The following PRAMEF15 variants were observed in gnomAD, a reference collection of about 807,000 sequenced individuals.
PRAMEF15 encodes PRAME family member 15, also known as PRAME family member 9/15.
In PRAMEF15, 21 loss-of-function variants were observed where a neutral mutation model predicts 35.3. That is an observed-to-expected ratio of 0.59 (90% CI 0.42 to 0.86). PRAMEF15 has a LOEUF of 0.86. Ranked by LOEUF, PRAMEF15 falls within the 40% of genes least tolerant of loss-of-function variation. The pLI is 0.00. For synonymous variants in PRAMEF15, 122 were observed against 223.3 expected, an observed-to-expected ratio of 0.55 and a Z score of 4.05; for missense variants, 360 against 574.1, an observed-to-expected ratio of 0.63 and a Z score of 3.81.
At chr1:13,318,916 T>G (rs1163436378) in intron 2 of PRAMEF15, among the ~76,000 whole-genome samples, 2,233 of 151,628 alleles carry the variant, frequency 0.015, 9 homozygotes, top group African/African-American at 0.051. Flanking sequence ...AAAGGCACCA[T>G]GAAAAGTGAG....
chr1:13,317,290 G>A (rs1258731564), intron 1 of PRAMEF15, among the ~76,000 whole-genome samples: 1 of 151,830 alleles, frequency 6.6e-6, no homozygotes, highest in Non-Finnish European at 1.5e-5. Flanking sequence ...GGCTCGTCTT[G>A]AATTCCTGAT....
At chr1:13,321,353 T>C (rs1354401293) in intron 3 of PRAMEF15, among the ~76,000 whole-genome samples, 1 of 151,176 alleles carries the variant, frequency 6.6e-6, no homozygotes, top group African/African-American at 2.4e-5. Context: ...TAGCTGGAAT[T>C]GCAGGCTCCC....
chr1:13,318,128 C>T (rs1461486350), intron 1 of PRAMEF15, among the ~76,000 whole-genome samples: 1 of 152,006 alleles, frequency 6.6e-6, no homozygotes, highest in African/African-American at 2.4e-5. Context: ...CAGGTTCCTC[C>T]ATACTCACTA....
intron 1 of PRAMEF15, among the ~76,000 whole-genome samples, chr1:13,316,359 A>G (rs1640002459): frequency 6.6e-6 from 1 of 151,612 alleles, no homozygotes; most frequent in Non-Finnish European, 1.5e-5. Context: ...CAGAAGATTG[A>G]GGCTGCAGTG....
intron 2 of PRAMEF15, among the ~76,000 whole-genome samples, chr1:13,319,049 C>G (rs1282592122): frequency 6.6e-6 from 1 of 151,934 alleles, no homozygotes; most frequent in Non-Finnish European, 1.5e-5. Flanking sequence ...CAAAAATTAG[C>G]TGGGCATGGT....
chr1:13,322,079 C>G lies in PRAMEF15; in HGVS notation c.1252C>G (p.Pro418Ala). ...CTTATGTGTGGAGCTGTATCCTGCC[C>G]CCCGAGAGAGTTATGGTGCTGATGG... ...KNLCVELYPAPRESYGADGTL... is the reference protein window; with the variant it reads ...KNLCVELYPAARESYGADGTL... Residue 418 changes from proline to alanine, a missense_variant, in exon 4 of 4, where the codon CCC becomes GCC. Coordinates refer to ENST00000376152, the MANE Select transcript of PRAMEF15 (RefSeq NM_001098376.3). 1.2e-6 allele frequency: 2 copies of G among 1,609,116 alleles called. No homozygotes were observed. The highest frequency in any genetic ancestry group is 2.3e-5 in the East Asian group (1 of 43,990).
intron 1 of PRAMEF15, among the ~76,000 whole-genome samples, chr1:13,317,889 G>A (rs1168666167): frequency 3.8e-4 from 57 of 149,900 alleles, no homozygotes; most frequent in African/African-American, 1.4e-3. Context: ...AAGAAGGGAG[G>A]GAGAGAGGGA....
At chr1:13,317,752 G>C (rs1198530750) in intron 1 of PRAMEF15, among the ~76,000 whole-genome samples, 1 of 151,370 alleles carries the variant, frequency 6.6e-6, no homozygotes, top group Non-Finnish European at 1.5e-5. Context: ...CTCCAGGCTG[G>C]GTGACAGAGC....
chr1:13,315,789 G>A (rs4104396), intron 1 of PRAMEF15, 131 bp downstream of exon 1: 3 of 148,672 alleles, frequency 2.0e-5, no homozygotes, highest in Admixed American at 1.3e-4. Context: ...ATGAACAATT[G>A]GAAGCTTTGA....
intron 1 of PRAMEF15, among the ~76,000 whole-genome samples, chr1:13,317,992 G>A (rs1640028866): frequency 6.6e-6 from 1 of 152,064 alleles, no homozygotes; most frequent in Non-Finnish European, 1.5e-5. Context: ...CCCCATGAAT[G>A]TTCCCAACAA....
At position 13,318,404 on chromosome 1, in the gene PRAMEF15, A is replaced by C. The variant is rs1640033980; in HGVS notation, c.-4A>C. 3 of 1,612,022 alleles carry C rather than the reference A, an allele frequency of 1.9e-6. No individual in the cohort carries two copies. The Admixed American group carries it at 5.0e-5, about 27-fold the overall frequency. ...TGTCCTCTGGAAGTTTTCCCTGCAG[A>C]TTCATGAAGATGAGCATCCGGACTC... On this transcript the variant is annotated 5_prime_UTR_variant, in exon 2 of 4. Transcript: ENST00000376152.
intron 1 of PRAMEF15, among the ~76,000 whole-genome samples, chr1:13,318,160 T>G (rs1337622409): frequency 3.5e-4 from 53 of 152,172 alleles, no homozygotes; most frequent in African/African-American, 1.2e-3. Flanking sequence ...GAGCACTGGA[T>G]AGAAAGGAAG....
intron 1 of PRAMEF15, among the ~76,000 whole-genome samples, chr1:13,317,266 T>C (rs782716363): frequency 0.021 from 2,853 of 137,026 alleles, 4 homozygotes; most frequent in East Asian, 0.12. Context: ...GGCAGGGTTT[T>C]ACCATGTTGG....
At chr1:13,319,061 G>T (rs1184994413) in intron 2 of PRAMEF15, among the ~76,000 whole-genome samples, 1 of 152,010 alleles carries the variant, frequency 6.6e-6, no homozygotes, top group Non-Finnish European at 1.5e-5. Flanking sequence ...GGGCATGGTG[G>T]TGGGTTCCTG....
rs1488376110 is a variant in PRAMEF15 at position 13,319,407 on chromosome 1, T to A, written c.329T>A (p.Val110Asp). ...CTCCAAGTGCTGGATTTACAGGATGTCTGTGAGAACTTCTGGATGGTTTGG... is the reference window on the plus strand; with the variant it reads ...CTCCAAGTGCTGGATTTACAGGATGACTGTGAGAACTTCTGGATGGTTTGG... The part of the protein sequence containing the change: ...WKLQVLDLQD[V>D]CENFWMVWSE... The change falls in exon 3 of 4, where the codon GTC becomes GAC. Residue 110 changes from valine to aspartate, a missense_variant. Val to Asp is a radical substitution (Grantham distance 152). Coordinates refer to ENST00000376152, the MANE Select transcript of PRAMEF15 (RefSeq NM_001098376.3). The A allele has an allele frequency of 5.6e-6, 9 of 1,612,096 alleles. No homozygotes were observed. The Admixed American group carries it at 1.5e-4, about 27-fold the overall frequency.
At chr1:13,315,883 G>A (rs1382292385) in intron 1 of PRAMEF15, among the ~76,000 whole-genome samples, 190 of 151,696 alleles carry the variant, frequency 1.3e-3, no homozygotes, top group African/African-American at 3.9e-3. Flanking sequence ...ATTCTTGAAG[G>A]GAGCAGTGAC....
At chr1:13,319,238 A>G in intron 2 of PRAMEF15, 134 bp from the exon 3 acceptor site, 1 of 1,480,770 alleles carries the variant, frequency 6.8e-7, no homozygotes. Flanking sequence ...GCAGGATCCA[A>G]GGGGAAAACA....
intron 3 of PRAMEF15, 41 bp downstream of exon 3, chr1:13,319,994 A>G (rs1640061609): frequency 1.9e-6 from 3 of 1,609,908 alleles, no homozygotes; most frequent in Non-Finnish European, 8.5e-7. Context: ...ACCACAGCAG[A>G]GCCTGTTACA....
chr1:13,316,031 A>G (rs1639998302), intron 1 of PRAMEF15, among the ~76,000 whole-genome samples: 1 of 150,618 alleles, frequency 6.6e-6, no homozygotes, highest in Non-Finnish European at 1.5e-5. Flanking sequence ...ATGGAGTCTC[A>G]CTGTGTTGCC....
Sources: allele counts gnomAD v4.1 joint callset (sites outside exome capture counted in the v4.1 genomes callset), GRCh38; gene constraint gnomAD v4.1.1; transcripts MANE v1.5; gene names NCBI Gene and HGNC (gene_info 2026-07-23, HGNC 2026-07-21).